The following MGAT4C variants were observed in gnomAD, a reference collection of about 807,000 sequenced individuals.
MGAT4C encodes the protein MGAT4 family member C.
A neutral mutation model predicts 40.1 loss-of-function variants in MGAT4C; 19 were observed. That is an observed-to-expected ratio of 0.47 (90% confidence interval 0.33 to 0.70). The LOEUF (loss-of-function observed/expected upper bound fraction) is 0.70. Ranked by LOEUF, MGAT4C falls within the 30% of genes least tolerant of loss-of-function variation. The pLI, the probability that MGAT4C is intolerant of heterozygous loss-of-function variation, is 0.02. For missense variants in MGAT4C, 491 were observed against 563.2 expected, an observed-to-expected ratio of 0.87 and a Z score of 1.30; for synonymous variants, 181 against 187.1, an observed-to-expected ratio of 0.97 and a Z score of 0.27.
rs1310699534 is a variant in MGAT4C, at chr12:86,603,500, C to T, written c.-229+123709G>A. Reference sequence around the variant, plus strand: ...TAGTCTATAGACTATATAATATATACTATATATAGTCTATAGTCTATAGAC... The same window carrying T: ...TAGTCTATAGACTATATAATATATATTATATATAGTCTATAGTCTATAGAC... On this transcript the variant is annotated intron_variant, in intron 2 of 7. Coordinates refer to the MGAT4C transcript ENST00000548651. Among the ~76,000 whole-genome samples, 6 of 78,994 alleles carry T rather than the reference C, an allele frequency of 7.6e-5. No homozygotes were observed. The South Asian group carries it at 1.4e-3, about 18-fold the overall frequency. The allele number at this position is 78,994 out of a possible 152,430, so 51.8% of individuals were successfully genotyped here. A position where few individuals can be genotyped will look rare whatever the true frequency, so the allele number is the denominator to read the frequency against.
chr12:86,713,972 A>C (rs1169008670), intron 2 of MGAT4C, among the ~76,000 whole-genome samples: 1 of 152,162 alleles, frequency 6.6e-6, no homozygotes, highest in Non-Finnish European at 1.5e-5. Flanking sequence ...AATGGTTTGC[A>C]CATAGTATGT....
chr12:86,479,321 G>A (rs1957894435), intron 2 of MGAT4C, among the ~76,000 whole-genome samples: 1 of 151,926 alleles, frequency 6.6e-6, no homozygotes, highest in African/African-American at 2.4e-5. Context: ...AAATAGTAGA[G>A]CAAGGAAAGC....
chr12:86,299,788 TA>T (rs1953766631), intron 4 of MGAT4C, among the ~76,000 whole-genome samples: 1 of 152,124 alleles, frequency 6.6e-6, no homozygotes, highest in Non-Finnish European at 1.5e-5. Context: ...CATAAAGGAG[TA>T]TATTTTACTT....
chr12:86,815,300 C>T (rs1288566067), intron 1 of MGAT4C, among the ~76,000 whole-genome samples: 1 of 151,892 alleles, frequency 6.6e-6, no homozygotes, highest in Non-Finnish European at 1.5e-5. Context: ...AACGCAATAC[C>T]GCCTTGCTCC....
intron 3 of MGAT4C, among the ~76,000 whole-genome samples, chr12:85,986,186 T>C (rs1325809654): frequency 6.6e-6 from 1 of 152,250 alleles, no homozygotes; most frequent in East Asian, 1.9e-4. Context: ...CCTTGTTGGC[T>C]GCTTTCCAGA....
chr12:86,593,265 AT>A (rs34747949), intron 2 of MGAT4C, among the ~76,000 whole-genome samples: 105,338 of 150,900 alleles, frequency 0.7, 37,744 homozygotes, highest in Middle Eastern at 0.79. Context: ...GAATTTAAGT[AT>A]TTTTTTTTTG....
intron 2 of MGAT4C, among the ~76,000 whole-genome samples, chr12:86,561,674 T>C (rs1411753196): frequency 6.6e-6 from 1 of 152,152 alleles, no homozygotes; most frequent in Non-Finnish European, 1.5e-5. Context: ...ACTCAGATTG[T>C]AGGTGGCCTA....
At position 85,994,245 on chromosome 12, in the gene MGAT4C, G is replaced by A. The variant is rs570487214; in HGVS notation, c.-6-4693C>T. Among the ~76,000 whole-genome samples, 8 of 152,294 alleles carry A rather than the reference G, an allele frequency of 5.3e-5. No individual in the cohort carries two copies. In the South Asian group the frequency reaches 1.0e-3, roughly 20 times the overall value. On this transcript the variant is annotated intron_variant, in intron 2 of 4. Coordinates refer to ENST00000611864, the MANE Select transcript of MGAT4C (RefSeq NM_001351288.2). ...AAGTCCTTAGAGAATAATGACAGTC[G>A]TCTAAATTCTAATATCCAAATTCTG...
intron 3 of MGAT4C, among the ~76,000 whole-genome samples, chr12:86,428,045 A>G (rs1031697360): frequency 5.3e-5 from 8 of 150,854 alleles, no homozygotes; most frequent in Non-Finnish European, 1.2e-4. Context: ...AACAACAACA[A>G]CAACAAAACC....
chr12:86,125,098 A>G (rs948663465), intron 1 of MGAT4C, among the ~76,000 whole-genome samples: 10 of 152,168 alleles, frequency 6.6e-5, no homozygotes, highest in Admixed American at 1.3e-4. Context: ...CTAAACCTCA[A>G]TAACTATCTT....
intron 3 of MGAT4C, among the ~76,000 whole-genome samples, chr12:86,339,331 G>C (rs1469234396): frequency 2.6e-5 from 4 of 152,138 alleles, no homozygotes; most frequent in Non-Finnish European, 5.9e-5. Context: ...AGATAGTAAA[G>C]AATCAGCTGT....
intron 1 of MGAT4C, among the ~76,000 whole-genome samples, chr12:86,736,536 C>T (rs1009205717): frequency 6.6e-6 from 1 of 151,784 alleles, no homozygotes; most frequent in Non-Finnish European, 1.5e-5. Context: ...CAGTTCTCCA[C>T]ATACTATTCA....
In MGAT4C at chr12:86,337,331, T is replaced by C. The variant is rs1014409670; in HGVS notation, c.-119-3204A>G. 8.5e-5 allele frequency among the ~76,000 whole-genome samples: 13 copies of C among 152,176 alleles called. No homozygotes were observed. In the East Asian group the frequency reaches 2.3e-3, roughly 27 times the overall value. ...TTGGGAAGTGGCTGGGCATGGTGGC[T>C]CATGTCTGTAATCCTAGCACTTTGA... On this transcript the variant is annotated intron_variant, in intron 3 of 7. Coordinates refer to the MGAT4C transcript ENST00000548651.
At chr12:86,754,183 T>C (rs968900447) in intron 1 of MGAT4C, among the ~76,000 whole-genome samples, 3 of 152,156 alleles carry the variant, frequency 2.0e-5, no homozygotes, top group East Asian at 1.9e-4. Context: ...CCTTGTTATA[T>C]GCAATAGCAT....
intron 2 of MGAT4C, among the ~76,000 whole-genome samples, chr12:86,719,213 C>T (rs1950699144): frequency 6.6e-6 from 1 of 152,190 alleles, no homozygotes; most frequent in Non-Finnish European, 1.5e-5. Context: ...AATACACTCA[C>T]TCCCTCTCAA....
At chr12:86,445,519 A>G (rs942017085) in intron 2 of MGAT4C, among the ~76,000 whole-genome samples, 14 of 152,208 alleles carry the variant, frequency 9.2e-5, no homozygotes, top group Admixed American at 1.3e-4. Context: ...TACTCATCTT[A>G]TGACTCAAGA....
intron 3 of MGAT4C, among the ~76,000 whole-genome samples, chr12:86,389,743 T>C (rs369361040): frequency 6.6e-6 from 1 of 152,130 alleles, no homozygotes; most frequent in African/African-American, 2.4e-5. Flanking sequence ...TTACAGTATG[T>C]TATATCTAAT....
intron 1 of MGAT4C, among the ~76,000 whole-genome samples, chr12:86,811,711 G>T (rs908336078): frequency 6.6e-6 from 1 of 151,426 alleles, no homozygotes; most frequent in Non-Finnish European, 1.5e-5. Flanking sequence ...TTGACAATTT[G>T]TGTTTTCTTT....
At chr12:86,703,178 GAA>G (rs1374340752) in intron 2 of MGAT4C, among the ~76,000 whole-genome samples, 1 of 152,126 alleles carries the variant, frequency 6.6e-6, no homozygotes, top group African/African-American at 2.4e-5. Context: ...GATGAACAAA[GAA>G]AGTGCTTTTT....
Sources: gnomAD v4.1 joint callset for allele counts (sites outside exome capture counted in the v4.1 genomes callset) on GRCh38, gnomAD v4.1.1 for gene constraint, MANE v1.5 for transcripts, NCBI Gene and HGNC (gene_info 2026-07-23, HGNC 2026-07-21) for gene names.